The following KCNN2 variants were observed in gnomAD, a reference collection of about 807,000 sequenced individuals.
KCNN2 encodes the protein potassium calcium-activated channel subfamily N member 2, also known as small conductance calcium-activated potassium channel protein 2.
KCNN2 carries 24 observed loss-of-function variants against 55.5 expected under a neutral mutation model. That is an observed-to-expected ratio of 0.43 (90% CI 0.31 to 0.61). KCNN2 has a LOEUF of 0.61. Ranked by LOEUF, KCNN2 falls within the 20% of genes least tolerant of loss-of-function variation. The pLI, the probability that KCNN2 is intolerant of heterozygous loss-of-function variation, is 0.08. For synonymous variants in KCNN2, 431 were observed against 336.1 expected (o/e 1.28, Z -3.09); for missense variants, 754 against 853.6 (o/e 0.88, Z 1.45).
chr5:114,343,735 G>T (rs1366073298), intron 2 of KCNN2, among the ~76,000 whole-genome samples: 2 of 152,028 alleles, frequency 1.3e-5, no homozygotes, highest in African/African-American at 2.4e-5. Flanking sequence ...AGCAGGGTGT[G>T]GTGAGGGAAT....
At chr5:114,097,435 G>C (rs190600311) in intron 1 of KCNN2, among the ~76,000 whole-genome samples, 2 of 152,204 alleles carry the variant, frequency 1.3e-5, no homozygotes, top group Admixed American at 1.3e-4. Context: ...TAGTGTCATG[G>C]GTATATGTTT....
At chr5:114,288,249 G>C (rs1049652768) in intron 2 of KCNN2, among the ~76,000 whole-genome samples, 4 of 152,086 alleles carry the variant, frequency 2.6e-5, no homozygotes, top group Non-Finnish European at 5.9e-5. Context: ...CATTTGGGTT[G>C]TTTCTACATT....
chr5:114,353,671 G>T (rs1177429446), intron 2 of KCNN2, among the ~76,000 whole-genome samples: 1 of 151,736 alleles, frequency 6.6e-6, no homozygotes, highest in East Asian at 1.9e-4. Context: ...TTATTTCTCT[G>T]GGAAACTATT....
At chr5:114,490,620 A>C in intron 6 of KCNN2, 1 of 397,786 alleles carries the variant, frequency 2.5e-6, no homozygotes, top group Non-Finnish European at 4.4e-6. Flanking sequence ...ACATTGTGTT[A>C]TTTTGTTCCA....
chr5:114,118,225 G>A (rs1267238654), intron 1 of KCNN2, among the ~76,000 whole-genome samples: 2 of 152,216 alleles, frequency 1.3e-5, no homozygotes, highest in East Asian at 3.9e-4. Context: ...TGAGTCATTT[G>A]AAATTCATTT....
chr5:114,180,522 A>G (rs1462295589), intron 1 of KCNN2, among the ~76,000 whole-genome samples: 1 of 152,184 alleles, frequency 6.6e-6, no homozygotes, highest in African/African-American at 2.4e-5. Context: ...AAATATAAGA[A>G]TTCTAATCTT....
At chr5:114,446,110 C>T (rs1173378485) in intron 3 of KCNN2, among the ~76,000 whole-genome samples, 1 of 152,174 alleles carries the variant, frequency 6.6e-6, no homozygotes, top group East Asian at 1.9e-4. Context: ...GGGAGTACTA[C>T]CTGTCTGAGT....
At chr5:114,394,804 A>G (rs186420080) in intron 2 of KCNN2, among the ~76,000 whole-genome samples, 192 of 152,148 alleles carry the variant, frequency 1.3e-3, no homozygotes, top group Non-Finnish European at 2.2e-3. Context: ...TATTGGGTCT[A>G]TTTTAGACTT....
At chr5:114,211,661 G>A (rs532785120) in intron 1 of KCNN2, among the ~76,000 whole-genome samples, 4 of 152,090 alleles carry the variant, frequency 2.6e-5, no homozygotes, top group East Asian at 1.9e-4. Context: ...CCGATGGCAC[G>A]AGTTTACCTA....
At chr5:114,106,833 T>C (rs1751494515) in intron 1 of KCNN2, among the ~76,000 whole-genome samples, 1 of 152,076 alleles carries the variant, frequency 6.6e-6, no homozygotes, top group African/African-American at 2.4e-5. Flanking sequence ...GTGGTTTGAC[T>C]TCTTACTGTC....
chr5:114,138,851 A>C (rs1257090602), intron 1 of KCNN2, among the ~76,000 whole-genome samples: 1 of 152,112 alleles, frequency 6.6e-6, no homozygotes, highest in Non-Finnish European at 1.5e-5. Context: ...AGAAGCTACC[A>C]ATTTTCAGTT....
intron 1 of KCNN2, among the ~76,000 whole-genome samples, chr5:114,132,845 T>G (rs1752098385): frequency 6.6e-6 from 1 of 152,186 alleles, no homozygotes; most frequent in African/African-American, 2.4e-5. Flanking sequence ...ACATTTTGCA[T>G]CATGATTATA....
chr5:114,135,625 C>A (rs1752158684), intron 1 of KCNN2, among the ~76,000 whole-genome samples: 1 of 152,188 alleles, frequency 6.6e-6, no homozygotes, highest in African/African-American at 2.4e-5. Context: ...GTTGAGCATC[C>A]ATCCCACAGA....
At chr5:114,413,379 C>T (rs934701073) in intron 3 of KCNN2, among the ~76,000 whole-genome samples, 3 of 152,014 alleles carry the variant, frequency 2.0e-5, no homozygotes, top group Non-Finnish European at 4.4e-5. Context: ...CTGCCTCCTG[C>T]GTTCAAGCGA....
At chr5:114,257,956 C>G (rs1755016034) in intron 2 of KCNN2, among the ~76,000 whole-genome samples, 1 of 152,120 alleles carries the variant, frequency 6.6e-6, no homozygotes, top group Non-Finnish European at 1.5e-5. Context: ...TTTCTCCATT[C>G]AGTATGATGT....
chr5:114,485,067 C>A (rs1054907448), intron 5 of KCNN2, among the ~76,000 whole-genome samples: 2 of 152,106 alleles, frequency 1.3e-5, no homozygotes, highest in Admixed American at 1.3e-4. Context: ...TTTTTAAAAG[C>A]GTATTGACTT....
intron 2 of KCNN2, among the ~76,000 whole-genome samples, chr5:114,312,424 C>CATATATAT (rs1756414912): frequency 3.3e-5 from 2 of 60,224 alleles, no homozygotes; most frequent in Non-Finnish European, 6.1e-5. Context: ...CACACACACA[C>CATATATAT]ACACACACAC....
At chr5:114,234,281 C>A (rs1022559077) in intron 2 of KCNN2, among the ~76,000 whole-genome samples, 2 of 152,056 alleles carry the variant, frequency 1.3e-5, no homozygotes, top group Admixed American at 1.3e-4. Context: ...TGTCTCTCAT[C>A]CTCAAACCAT....
intron 2 of KCNN2, among the ~76,000 whole-genome samples, chr5:114,329,187 G>A (rs752511703): frequency 3.3e-5 from 5 of 152,170 alleles, no homozygotes; most frequent in Non-Finnish European, 7.3e-5. Context: ...ATCAGCTGAT[G>A]ATGCACAGCT....
Sources: gnomAD v4.1 joint callset for allele counts (sites outside exome capture counted in the v4.1 genomes callset) on GRCh38, gnomAD v4.1.1 for gene constraint, MANE v1.5 for transcripts, NCBI Gene and HGNC (gene_info 2026-07-23, HGNC 2026-07-21) for gene names.